Variants in FRMD6 observed in about 807,000 individuals in gnomAD.
FRMD6 encodes FERM domain containing 6.
In FRMD6, 37 loss-of-function variants were observed where a neutral mutation model predicts 73.2. The observed-to-expected ratio is 0.51, with a 90% CI of 0.39 to 0.66. The LOEUF (loss-of-function observed/expected upper bound fraction) is 0.66. FRMD6 is among the 30% of genes least tolerant of loss of function. The pLI, the probability that FRMD6 is intolerant of heterozygous loss-of-function variation, is 0.00. For synonymous variants in FRMD6, 273 were observed against 282.2 expected (o/e 0.97, Z 0.33); for missense variants, 714 against 780.5 (o/e 0.91, Z 1.02).
At chr14:51,612,928 T>C (rs1890571839) in intron 2 of FRMD6, among the ~76,000 whole-genome samples, 2 of 152,164 alleles carry the variant, frequency 1.3e-5, no homozygotes, top group African/African-American at 4.8e-5. Flanking sequence ...TAGCTGTAGT[T>C]GAGCTAGTGA....
the FRMD6 span, among the ~76,000 whole-genome samples, chr14:51,414,334 G>A: frequency 7.8e-4 from 119 of 152,282 alleles, 1 homozygote; most frequent in African/African-American, 2.8e-3. Flanking sequence ...TTTTGTATAA[G>A]GTGTAAGGAA....
intron 1 of FRMD6, among the ~76,000 whole-genome samples, chr14:51,677,334 C>T (rs936032938): frequency 3.9e-5 from 6 of 151,962 alleles, no homozygotes; most frequent in African/African-American, 1.5e-4. Context: ...TCATATATTG[C>T]TACTAGATAA....
At chr14:51,453,253 G>A in the FRMD6 span, among the ~76,000 whole-genome samples, 1 of 152,122 alleles carries the variant, frequency 6.6e-6, no homozygotes, top group South Asian at 2.1e-4. Flanking sequence ...CAAAACCAGA[G>A]AGGAGGATGT....
At chr14:51,610,209 G>C (rs892639909) in intron 2 of FRMD6, among the ~76,000 whole-genome samples, 3 of 152,002 alleles carry the variant, frequency 2.0e-5, no homozygotes, top group Admixed American at 1.3e-4. Flanking sequence ...GGGGGAGTCA[G>C]TAAATAAACA....
At chr14:51,670,365 T>C (rs1893914855) in intron 1 of FRMD6, among the ~76,000 whole-genome samples, 1 of 152,208 alleles carries the variant, frequency 6.6e-6, no homozygotes, top group Non-Finnish European at 1.5e-5. Flanking sequence ...CCACCGCACC[T>C]GGCCTGAAAT....
At chr14:51,416,539 C>A in the FRMD6 span, among the ~76,000 whole-genome samples, 1 of 152,158 alleles carries the variant, frequency 6.6e-6, no homozygotes, top group African/African-American at 2.4e-5. Context: ...GATTCCTGTT[C>A]TTTTACATTT....
At chr14:51,726,319 A>G (rs750692875) in intron 13 of FRMD6, among the ~76,000 whole-genome samples, 11 of 152,230 alleles carry the variant, frequency 7.2e-5, no homozygotes, top group Non-Finnish European at 1.6e-4. Flanking sequence ...TGGTTAAACT[A>G]TTAAATGTCC....
chr14:51,453,091 G>A, the FRMD6 span, among the ~76,000 whole-genome samples: 1 of 152,056 alleles, frequency 6.6e-6, no homozygotes, highest in Non-Finnish European at 1.5e-5. Flanking sequence ...AAGTTAAGGG[G>A]CAGTAATTTA....
At chr14:51,516,061 A>G (rs1030220032) in intron 1 of FRMD6, among the ~76,000 whole-genome samples, 1 of 152,146 alleles carries the variant, frequency 6.6e-6, no homozygotes, top group Non-Finnish European at 1.5e-5. Context: ...TCTTAACTTC[A>G]TCTCCAAGTT....
chr14:51,698,535 A>G lies in FRMD6; in HGVS notation c.190+303A>G, dbSNP rs918712984. On this transcript the variant is annotated intron_variant, in intron 3 of 13. Coordinates refer to ENST00000344768, the MANE Select transcript of FRMD6 (RefSeq NM_001267046.2). ...TCCATGTTTTAATGAAGCAAGCTTGATTTTTGTTTCCTTGCATTCAGGGAG... is the reference window on the plus strand; with the variant it reads ...TCCATGTTTTAATGAAGCAAGCTTGGTTTTTGTTTCCTTGCATTCAGGGAG... Among the ~76,000 whole-genome samples, 12 of 152,172 alleles carry G rather than the reference A, an allele frequency of 7.9e-5. No homozygotes were observed. In the East Asian group the frequency reaches 2.1e-3, roughly 27 times the overall value.
chr14:51,507,872 A>G (rs1413767117), intron 1 of FRMD6, among the ~76,000 whole-genome samples: 2 of 152,172 alleles, frequency 1.3e-5, no homozygotes, highest in Non-Finnish European at 2.9e-5. Flanking sequence ...TGGCTTGATC[A>G]CACCTCTGGG....
At chr14:51,674,090 A>T (rs1490675894) in intron 1 of FRMD6, among the ~76,000 whole-genome samples, 2 of 152,148 alleles carry the variant, frequency 1.3e-5, no homozygotes, top group African/African-American at 4.8e-5. Flanking sequence ...CATTAGAGGG[A>T]GTTTCAGGAT....
intron 1 of FRMD6, among the ~76,000 whole-genome samples, chr14:51,516,575 T>A (rs1314246745): frequency 6.6e-6 from 1 of 152,188 alleles, no homozygotes; most frequent in Non-Finnish European, 1.5e-5. Context: ...TAGCTGCCAT[T>A]TGTCTATATT....
At chr14:51,667,906 A>G (rs991224624) in intron 1 of FRMD6, among the ~76,000 whole-genome samples, 1 of 152,184 alleles carries the variant, frequency 6.6e-6, no homozygotes, top group East Asian at 1.9e-4. Context: ...ATGGTTTGTA[A>G]TTGACTAAAT....
At chr14:51,473,990 T>C in the FRMD6 span, among the ~76,000 whole-genome samples, 1 of 152,198 alleles carries the variant, frequency 6.6e-6, no homozygotes, top group East Asian at 1.9e-4. Context: ...TCACATTATC[T>C]CATTTATCAT....
chr14:51,549,734 T>C (rs951819184), intron 1 of FRMD6, among the ~76,000 whole-genome samples: 7 of 151,642 alleles, frequency 4.6e-5, no homozygotes, highest in African/African-American at 1.7e-4. Flanking sequence ...TAGCTGGGAC[T>C]ACAGGCGCCC....
chr14:51,609,240 C>A (rs1372995365), intron 2 of FRMD6, among the ~76,000 whole-genome samples: 1 of 152,050 alleles, frequency 6.6e-6, no homozygotes. Context: ...AGACAGGTGG[C>A]CAAGCTAATA....
intron 2 of FRMD6, among the ~76,000 whole-genome samples, chr14:51,570,844 C>T (rs1162988424): frequency 6.6e-6 from 1 of 152,230 alleles, no homozygotes; most frequent in Non-Finnish European, 1.5e-5. Context: ...ATCCATTCCT[C>T]ATTTAACAAG....
At position 51,498,632 on chromosome 14, in the gene FRMD6, T is replaced by A. The variant is rs1290017310; in HGVS notation, c.-210+9212T>A. Among the ~76,000 whole-genome samples, 3 of 152,318 alleles carry A rather than the reference T, an allele frequency of 2.0e-5. 1 individual carries two copies. In the Middle Eastern group the frequency reaches 0.01, roughly 518 times the overall value. ...CTCTCTCTGTCCATCTGCTCTTTCA[T>A]CCTTCAGGAGGCTAGACTTTCTCAT... is the stretch of plus-strand genomic sequence containing the variant. On this transcript the variant is annotated intron_variant, in intron 1 of 14. Transcript: ENST00000356218.
Sources: gnomAD v4.1 joint callset for allele counts (sites outside exome capture counted in the v4.1 genomes callset) on GRCh38, gnomAD v4.1.1 for gene constraint, MANE v1.5 for transcripts, NCBI Gene and HGNC (gene_info 2026-07-23, HGNC 2026-07-21) for gene names.